Variants in LRP1B observed in about 807,000 individuals in gnomAD.
LRP1B encodes low-density lipoprotein receptor-related protein 1B.
In LRP1B, 217 loss-of-function variants were observed where a neutral mutation model predicts 556.6. The observed-to-expected ratio is 0.39, with a 90% CI of 0.35 to 0.44. LRP1B has a LOEUF of 0.44. Ranked by LOEUF, LRP1B falls within the 20% of genes least tolerant of loss-of-function variation. The probability of loss-of-function intolerance (pLI) is 1.00; values close to 1 mark genes in which losing one functional copy is unlikely to be tolerated. For synonymous variants in LRP1B, 2,047 were observed against 1,865.8 expected, an observed-to-expected ratio of 1.10 and a Z score of -2.50; for missense variants, 5,053 against 5,620.8, an observed-to-expected ratio of 0.90 and a Z score of 3.23.
rs145023710 is a variant in LRP1B, at chr2:141,740,053, G to A, written c.205+70226C>T. On this transcript the variant is annotated intron_variant, in intron 2 of 90. Coordinates refer to ENST00000389484, the MANE Select transcript of LRP1B (RefSeq NM_018557.3). Reference sequence around the variant, plus strand: ...AAACAAAAATTAATAAGAGGTTTGCGAATCCTTGGAAGAGGGAATTTTAGC... The same window carrying A: ...AAACAAAAATTAATAAGAGGTTTGCAAATCCTTGGAAGAGGGAATTTTAGC... Among the ~76,000 whole-genome samples, 150 of 152,192 alleles carry A rather than the reference G, an allele frequency of 9.9e-4. 3 individuals carry two copies. Among genetic ancestry groups the A allele is most frequent in the Middle Eastern group, 3.4e-3 (1 of 294 alleles).
chr2:141,050,200 TAATAA>T (rs1267723693), intron 10 of LRP1B, among the ~76,000 whole-genome samples: 1 of 151,774 alleles, frequency 6.6e-6, no homozygotes, highest in East Asian at 1.9e-4. Flanking sequence ...ATTTGGAAAA[TAATAA>T]AATAAAAAAT....
intron 2 of LRP1B, among the ~76,000 whole-genome samples, chr2:141,537,557 T>C (rs1685110636): frequency 6.6e-6 from 1 of 152,138 alleles, no homozygotes; most frequent in East Asian, 1.9e-4. Context: ...CACATAAAAC[T>C]GTGTAACTTT....
chr2:141,094,860 T>C (rs1882629), intron 7 of LRP1B, among the ~76,000 whole-genome samples: 55,202 of 151,806 alleles, frequency 0.36, 10,459 homozygotes, highest in East Asian at 0.66. Flanking sequence ...TCGGAAACAA[T>C]TGCAAAACAA....
intron 1 of LRP1B, among the ~76,000 whole-genome samples, chr2:141,872,648 C>T (rs1024779454): frequency 1.3e-4 from 19 of 151,446 alleles, no homozygotes; most frequent in African/African-American, 4.6e-4. Context: ...AAAAATGATC[C>T]AGAAAGGCCA....
chr2:140,660,837 G>T (rs1685064933), intron 41 of LRP1B, among the ~76,000 whole-genome samples: 2 of 149,212 alleles, frequency 1.3e-5, no homozygotes, highest in Admixed American at 1.3e-4. Context: ...CCAATTTGTT[G>T]CTATTTCCCA....
chr2:140,583,289 C>T (rs1312271004), intron 43 of LRP1B, among the ~76,000 whole-genome samples: 2 of 150,176 alleles, frequency 1.3e-5, no homozygotes, highest in Admixed American at 6.7e-5. Context: ...ATTCTCGTGC[C>T]TCGGCCACCC....
rs576173837 is a variant in LRP1B, at chr2:141,717,730, A to G, written c.205+92549T>C. Among the ~76,000 whole-genome samples, 281 of 152,356 alleles carry G rather than the reference A, an allele frequency of 1.8e-3. 2 individuals carry two copies. Among genetic ancestry groups the G allele is most frequent in the Non-Finnish European group, 3.5e-3 (235 of 68,020 alleles). ...CTTCTGACCTATCTGTATATCATTA[A>G]TTAATAAGCAAAAGAATACAGTCTA... On this transcript the variant is annotated intron_variant, in intron 2 of 90. Coordinates refer to ENST00000389484, the MANE Select transcript of LRP1B (RefSeq NM_018557.3).
chr2:141,011,467 C>A (rs1411628382), intron 14 of LRP1B, among the ~76,000 whole-genome samples: 1 of 151,958 alleles, frequency 6.6e-6, no homozygotes, highest in East Asian at 1.9e-4. Context: ...TGTCTCTTGA[C>A]TGAGAAAAAA....
At chr2:141,519,169 G>A (rs1684436310) in intron 2 of LRP1B, among the ~76,000 whole-genome samples, 1 of 151,742 alleles carries the variant, frequency 6.6e-6, no homozygotes, top group Non-Finnish European at 1.5e-5. Flanking sequence ...TTTTACATTA[G>A]CTAAAAGGAT....
At chr2:140,412,953 G>C (rs1034586138) in intron 66 of LRP1B, among the ~76,000 whole-genome samples, 4 of 151,974 alleles carry the variant, frequency 2.6e-5, no homozygotes, top group African/African-American at 9.7e-5. Context: ...AATATGTTTT[G>C]TACCTAACAT....
intron 1 of LRP1B, among the ~76,000 whole-genome samples, chr2:142,060,954 G>T (rs1449078400): frequency 6.6e-6 from 1 of 151,950 alleles, no homozygotes; most frequent in African/African-American, 2.4e-5. Context: ...GGGAGGTGCT[G>T]TCCTAGAGTA....
At chr2:141,010,624 C>T (rs900957914) in intron 14 of LRP1B, among the ~76,000 whole-genome samples, 3 of 151,952 alleles carry the variant, frequency 2.0e-5, no homozygotes, top group African/African-American at 7.2e-5. Flanking sequence ...AAGTGATTCT[C>T]CTGCCTCAGC....
intron 3 of LRP1B, among the ~76,000 whole-genome samples, chr2:141,462,224 C>A (rs1681905548): frequency 6.6e-6 from 1 of 152,118 alleles, no homozygotes; most frequent in Non-Finnish European, 1.5e-5. Context: ...TTAATGGCAC[C>A]AAGTCAGCTC....
At chr2:140,465,230 G>A (rs1319300061) in intron 60 of LRP1B, among the ~76,000 whole-genome samples, 1 of 152,080 alleles carries the variant, frequency 6.6e-6, no homozygotes, top group Non-Finnish European at 1.5e-5. Flanking sequence ...CCACTATCAT[G>A]AAGACAGCAC....
intron 2 of LRP1B, among the ~76,000 whole-genome samples, chr2:141,792,088 A>G (rs1045275641): frequency 1.3e-5 from 2 of 152,104 alleles, no homozygotes; most frequent in Admixed American, 6.6e-5. Context: ...AGACTTAAAA[A>G]AATTCCACCT....
At chr2:141,707,120 G>A (rs1392732266) in intron 2 of LRP1B, among the ~76,000 whole-genome samples, 1 of 152,106 alleles carries the variant, frequency 6.6e-6, no homozygotes, top group Non-Finnish European at 1.5e-5. Flanking sequence ...TGTAATTTAA[G>A]TGCATTCACA....
At chr2:141,778,808 T>A (rs1695154512) in intron 2 of LRP1B, among the ~76,000 whole-genome samples, 1 of 152,120 alleles carries the variant, frequency 6.6e-6, no homozygotes, top group Non-Finnish European at 1.5e-5. Flanking sequence ...AGAAAAGCAA[T>A]ACACAGAGAG....
At chr2:140,568,890 G>C (rs1422194523) in intron 43 of LRP1B, among the ~76,000 whole-genome samples, 2 of 151,906 alleles carry the variant, frequency 1.3e-5, no homozygotes, top group Non-Finnish European at 2.9e-5. Context: ...GCCAAGAAAA[G>C]CTAACCTTTA....
At chr2:140,769,154 C>T (rs2104934008) in intron 35 of LRP1B, 59 bp downstream of exon 35, 2 of 1,464,424 alleles carry the variant, frequency 1.4e-6, no homozygotes, top group South Asian at 2.3e-5. Context: ...GTATTCCCAT[C>T]ATGTTTAATA....
Sources: gnomAD v4.1 joint callset for allele counts (sites outside exome capture counted in the v4.1 genomes callset) on GRCh38, gnomAD v4.1.1 for gene constraint, MANE v1.5 for transcripts, NCBI Gene and HGNC (gene_info 2026-07-23, HGNC 2026-07-21) for gene names.